ZNF280D: variants seen among roughly 807,000 people sequenced by gnomAD.
ZNF280D encodes the protein suppressor of hairy wing homolog 4.
In ZNF280D, 39 loss-of-function variants were observed where a neutral mutation model predicts 94.7. That is an observed-to-expected ratio of 0.41 (90% CI 0.32 to 0.54). The LOEUF is 0.54. ZNF280D is among the 20% of genes least tolerant of loss of function. The pLI, the probability that ZNF280D is intolerant of heterozygous loss-of-function variation, is 0.22. For synonymous variants in ZNF280D, 398 were observed against 377.6 expected (o/e 1.05, Z -0.63); for missense variants, 1,090 against 1,149.3 (o/e 0.95, Z 0.75).
intron 19 of ZNF280D, 25 bp downstream of exon 19, chr15:56,654,173 T>C: frequency 6.3e-7 from 1 of 1,599,972 alleles, no homozygotes; most frequent in Non-Finnish European, 8.5e-7. Flanking sequence ...CAAAGTAAAA[T>C]GCACTGAATA....
chr15:56,677,745 A>G, intron 11 of ZNF280D, 71 bp from the exon 12 acceptor site: 1 of 514,606 alleles, frequency 1.9e-6, no homozygotes, highest in Non-Finnish European at 3.0e-6. Flanking sequence ...ATACATCTAT[A>G]TCAACAACAA....
At chr15:56,661,426 T>C (rs2053937088) in intron 16 of ZNF280D, among the ~76,000 whole-genome samples, 1 of 152,180 alleles carries the variant, frequency 6.6e-6, no homozygotes, top group Non-Finnish European at 1.5e-5. Flanking sequence ...GGGGGAAAAC[T>C]GTAGGCAGAA....
intron 16 of ZNF280D, among the ~76,000 whole-genome samples, chr15:56,664,848 A>G (rs1289851592): frequency 1.3e-5 from 2 of 152,198 alleles, no homozygotes; most frequent in Non-Finnish European, 2.9e-5. Flanking sequence ...GAGCATGACT[A>G]AAGATGTAAA....
At chr15:56,652,358 G>A (rs73423648) in intron 19 of ZNF280D, 4,760 of 154,612 alleles carry the variant, frequency 0.031, 242 homozygotes, top group African/African-American at 0.11. Context: ...AAAAATGCAA[G>A]GTATACTAAC....
intron 16 of ZNF280D, among the ~76,000 whole-genome samples, chr15:56,665,733 C>T (rs1488257362): frequency 1.5e-5 from 2 of 136,350 alleles, no homozygotes; most frequent in Non-Finnish European, 3.2e-5. Context: ...GAGGATGACG[C>T]TCATGAGATT....
chr15:56,712,977 TG>T (rs2057850432), intron 1 of ZNF280D, among the ~76,000 whole-genome samples: 1 of 152,134 alleles, frequency 6.6e-6, no homozygotes, highest in African/African-American at 2.4e-5. Flanking sequence ...TGAACTCAAG[TG>T]ATCTGCCCGC....
chr15:56,713,216 G>T (rs868697752), intron 1 of ZNF280D, among the ~76,000 whole-genome samples: 1 of 152,048 alleles, frequency 6.6e-6, no homozygotes, highest in Non-Finnish European at 1.5e-5. Context: ...AACAAGATAT[G>T]ATCAACTTAA....
At chr15:56,673,398 T>C (rs1463237468) in intron 13 of ZNF280D, among the ~76,000 whole-genome samples, 2 of 152,028 alleles carry the variant, frequency 1.3e-5, no homozygotes, top group African/African-American at 2.4e-5. Context: ...TCAAACACAT[T>C]AGTAAAACCT....
chr15:56,720,759 C>A (rs1307630811), intron 1 of ZNF280D, among the ~76,000 whole-genome samples: 2 of 152,108 alleles, frequency 1.3e-5, no homozygotes, highest in Non-Finnish European at 2.9e-5. Flanking sequence ...TCCATCAGAG[C>A]TCTTGGGTGA....
intron 6 of ZNF280D, chr15:56,699,112 C>A (rs529678881): frequency 5.0e-4 from 77 of 153,586 alleles, no homozygotes; most frequent in Non-Finnish European, 9.0e-4. Context: ...CAAATGCTGG[C>A]AAAATCTTAT....
intron 14 of ZNF280D, chr15:56,667,853 T>C (rs945926635): frequency 1.7e-5 from 3 of 172,282 alleles, no homozygotes; most frequent in Non-Finnish European, 3.7e-5. Flanking sequence ...CCTCAGTGGA[T>C]TGTGGTATGA....
At chr15:56,694,103 C>A (rs2056585873) in intron 6 of ZNF280D, among the ~76,000 whole-genome samples, 1 of 151,508 alleles carries the variant, frequency 6.6e-6, no homozygotes, top group Non-Finnish European at 1.5e-5. Flanking sequence ...AAAGGGTGGT[C>A]CAAACTAAAA....
At chr15:56,647,699 T>C (rs145916051) in intron 19 of ZNF280D, among the ~76,000 whole-genome samples, 2 of 152,168 alleles carry the variant, frequency 1.3e-5, no homozygotes, top group East Asian at 1.9e-4. Flanking sequence ...TTGGCTAATT[T>C]TTATACTTTT....
chr15:56,652,137 T>G (rs2140658515), intron 19 of ZNF280D, among the ~76,000 whole-genome samples: 1 of 152,196 alleles, frequency 6.6e-6, no homozygotes, highest in South Asian at 2.1e-4. Context: ...AAATATAAAT[T>G]AGTTTGGAAA....
intron 16 of ZNF280D, among the ~76,000 whole-genome samples, chr15:56,661,082 T>C (rs1417763319): frequency 6.6e-6 from 1 of 151,806 alleles, no homozygotes; most frequent in Non-Finnish European, 1.5e-5. Context: ...TAAAAGTCAA[T>C]AGTGACACAT....
chr15:56,710,904 C>T (rs2057724368), intron 1 of ZNF280D, among the ~76,000 whole-genome samples: 1 of 152,072 alleles, frequency 6.6e-6, no homozygotes, highest in Non-Finnish European at 1.5e-5. Context: ...ACTGTAGTAT[C>T]TGCACATTTA....
At chr15:56,652,889 A>G in intron 19 of ZNF280D, 1 of 983,372 alleles carries the variant, frequency 1.0e-6, no homozygotes, top group South Asian at 4.7e-5. Context: ...TCTGTAGAGA[A>G]TTCTAAGAAA....
At chr15:56,671,674 A>G (rs1227615035) in intron 13 of ZNF280D, among the ~76,000 whole-genome samples, 1 of 152,034 alleles carries the variant, frequency 6.6e-6, no homozygotes, top group African/African-American at 2.4e-5. Context: ...TTTTCGTTCC[A>G]TATGAATTTT....
chr15:56,706,360 C>T (rs1377965229), intron 3 of ZNF280D, among the ~76,000 whole-genome samples: 2 of 151,498 alleles, frequency 1.3e-5, no homozygotes, highest in East Asian at 3.9e-4. Context: ...TAACTGTAGT[C>T]CCAGCTACTC....
Sources: gnomAD v4.1 joint callset for allele counts (sites outside exome capture counted in the v4.1 genomes callset) on GRCh38, gnomAD v4.1.1 for gene constraint, MANE v1.5 for transcripts, NCBI Gene and HGNC (gene_info 2026-07-23, HGNC 2026-07-21) for gene names.